COL23A1: variants seen among roughly 807,000 people sequenced by gnomAD.
COL23A1 encodes the protein collagen type XXIII alpha 1 chain.
A neutral mutation model predicts 99.3 loss-of-function variants in COL23A1; 97 were observed. The ratio of observed to expected loss-of-function variants is 0.98; its 90% CI spans 0.83 to 1.16. The LOEUF is 1.16. Among genes scored for constraint, COL23A1 ranks in the 50% most tolerant of loss-of-function variants. COL23A1 has a pLI of 0.00. For synonymous variants in COL23A1, 320 were observed against 308.2 expected (o/e 1.04, Z -0.40); for missense variants, 762 against 757.4 (o/e 1.01, Z -0.07).
intron 2 of COL23A1, among the ~76,000 whole-genome samples, chr5:178,324,798 A>G (rs992265181): frequency 6.6e-6 from 1 of 152,106 alleles, no homozygotes; most frequent in Non-Finnish European, 1.5e-5. Flanking sequence ...CCACCCGCTA[A>G]TCTCTCTGAC....
chr5:178,367,997 C>T (rs551728187), intron 2 of COL23A1, among the ~76,000 whole-genome samples: 5 of 152,218 alleles, frequency 3.3e-5, no homozygotes, highest in East Asian at 3.9e-4. Context: ...GTGTGCACTG[C>T]GGAAATGCAC....
chr5:178,264,979 G>A (rs139641378), intron 8 of COL23A1, among the ~76,000 whole-genome samples: 120 of 152,212 alleles, frequency 7.9e-4, no homozygotes, highest in African/African-American at 2.5e-3. Flanking sequence ...GTGATGAGCC[G>A]GCCAGTTCAC....
chr5:178,241,603 C>T (rs900936732), intron 27 of COL23A1, among the ~76,000 whole-genome samples: 8 of 152,216 alleles, frequency 5.3e-5, no homozygotes, highest in South Asian at 4.1e-4. Flanking sequence ...CCAGCGGCAG[C>T]GTGTCTGTGC....
At chr5:178,311,522 G>A (rs1218755793) in intron 2 of COL23A1, among the ~76,000 whole-genome samples, 1 of 98,202 alleles carries the variant, frequency 1.0e-5, no homozygotes, top group Non-Finnish European at 2.3e-5. Flanking sequence ...GTGTGTGTGT[G>A]TGTGTGTGTA....
At chr5:178,586,452 G>A (rs1157677316) in intron 1 of COL23A1, among the ~76,000 whole-genome samples, 1 of 152,122 alleles carries the variant, frequency 6.6e-6, no homozygotes, top group Non-Finnish European at 1.5e-5. Context: ...TCAGCTTACA[G>A]ATTCCCCAAC....
At chr5:178,494,326 C>A (rs1186232949) in intron 2 of COL23A1, among the ~76,000 whole-genome samples, 1 of 152,172 alleles carries the variant, frequency 6.6e-6, no homozygotes, top group Non-Finnish European at 1.5e-5. Context: ...GGAAGGTGAG[C>A]AGAGACTGGC....
At chr5:178,388,785 G>A (rs1284583215) in intron 2 of COL23A1, among the ~76,000 whole-genome samples, 1 of 152,188 alleles carries the variant, frequency 6.6e-6, no homozygotes, top group Non-Finnish European at 1.5e-5. Context: ...AACCTGCAGT[G>A]GCTCCCTATT....
chr5:178,440,672 G>A (rs924170440), intron 2 of COL23A1, among the ~76,000 whole-genome samples: 1 of 150,638 alleles, frequency 6.6e-6, no homozygotes, highest in Non-Finnish European at 1.5e-5. Context: ...CTGGAGTGCA[G>A]TGGTGAGATC....
rs367849126 is a variant in COL23A1, at chr5:178,288,113, C to T, written c.441+211G>A. 2.0e-4 allele frequency among the ~76,000 whole-genome samples: 30 copies of T among 152,268 alleles called. 1 individual carries two copies. The East Asian group carries it at 3.7e-3, about 19-fold the overall frequency. On this transcript the variant is annotated intron_variant, in intron 5 of 28. Transcript: ENST00000390654. ...ATTCAGTGCCACCCAGACACCTGCT[C>T]GAGGTGCTCTGCCTTGCCTCCAGGG...
chr5:178,258,236 AATATATATAT>A (rs70994992), intron 12 of COL23A1, among the ~76,000 whole-genome samples: 7 of 71,964 alleles, frequency 9.7e-5, no homozygotes, highest in Admixed American at 5.3e-4. Context: ...CCTGTCTTAA[AATATATATAT>A]ATATATATAT....
chr5:178,252,121 G>A (rs571449930), intron 17 of COL23A1, among the ~76,000 whole-genome samples: 1 of 152,060 alleles, frequency 6.6e-6, no homozygotes, highest in East Asian at 1.9e-4. Context: ...CACCATGTTG[G>A]CCAGGCTGGT....
rs73803009 is a variant in COL23A1, at chr5:178,387,323, A to G, written c.362-80404T>C. Among the ~76,000 whole-genome samples, 2,362 of 152,178 alleles carry G rather than the reference A, an allele frequency of 0.016. 65 individuals carry two copies. The highest frequency in any genetic ancestry group is 0.054 in the African/African-American group (2,248 of 41,492). The stretch of plus-strand genomic sequence containing the variant: ...CCTCGTCTCCTTCCACATGCCCTTC[A>G]AATGTCCAGCCCTGGTCAAACTGAC... On this transcript the variant is annotated intron_variant, in intron 2 of 28. Transcript: ENST00000390654. The surrounding 1 kb of genome is among the most constrained non-coding windows in gnomAD (Gnocchi z 4.7).
chr5:178,546,025 T>A lies in COL23A1; in HGVS notation c.361+14657A>T, dbSNP rs537764002. Among the ~76,000 whole-genome samples, 63 of 151,966 alleles carry A rather than the reference T, an allele frequency of 4.1e-4. 1 individual carries two copies. Among genetic ancestry groups the A allele is most frequent in the Middle Eastern group, 6.8e-3 (2 of 294 alleles). Reference sequence around the variant, plus strand: ...TGCATCCAAACCCTGACACCCCTCCTCCACGAGGCACCCTAGATTCCAAGG... The same window carrying A: ...TGCATCCAAACCCTGACACCCCTCCACCACGAGGCACCCTAGATTCCAAGG... On this transcript the variant is annotated intron_variant, in intron 2 of 28. Coordinates refer to ENST00000390654, the MANE Select transcript of COL23A1 (RefSeq NM_173465.4).
At chr5:178,390,911 C>A (rs1344538887) in intron 2 of COL23A1, among the ~76,000 whole-genome samples, 1 of 152,174 alleles carries the variant, frequency 6.6e-6, no homozygotes, top group Non-Finnish European at 1.5e-5. Context: ...CATAAGCAAC[C>A]AAAGGAGCAA....
intron 2 of COL23A1, among the ~76,000 whole-genome samples, chr5:178,377,364 T>C (rs1763128409): frequency 6.6e-6 from 1 of 151,664 alleles, no homozygotes; most frequent in African/African-American, 2.4e-5. Flanking sequence ...CCTGGTGTTT[T>C]AAGAAGTGAA....
At chr5:178,335,988 A>T (rs1402642618) in intron 2 of COL23A1, among the ~76,000 whole-genome samples, 1 of 152,120 alleles carries the variant, frequency 6.6e-6, no homozygotes, top group Non-Finnish European at 1.5e-5. Context: ...TCTGTTTCTG[A>T]GGTTCGTTTT....
At chr5:178,562,733 T>TGGGGGC in intron 1 of COL23A1, 1 of 97,698 alleles carries the variant, frequency 1.0e-5, no homozygotes, top group Non-Finnish European at 1.9e-5. Context: ...CGCTGGCTGG[T>TGGGGGC]GGTGGGGGGG....
intron 2 of COL23A1, among the ~76,000 whole-genome samples, chr5:178,329,273 T>C (rs1383917772): frequency 6.6e-6 from 1 of 152,212 alleles, no homozygotes; most frequent in Admixed American, 6.5e-5. Flanking sequence ...GAAATCCGCT[T>C]TGTCTGACTT....
chr5:178,529,213 A>G (rs1760498644), intron 2 of COL23A1, among the ~76,000 whole-genome samples: 1 of 152,216 alleles, frequency 6.6e-6, no homozygotes, highest in African/African-American at 2.4e-5. Flanking sequence ...GGGTGGCTGG[A>G]TTCCGTGAGG....
Sources: allele counts gnomAD v4.1 joint callset (sites outside exome capture counted in the v4.1 genomes callset), GRCh38; gene constraint gnomAD v4.1.1; non-coding constraint Gnocchi (gnomAD v3.1); transcripts MANE v1.5; gene names NCBI Gene and HGNC (gene_info 2026-07-23, HGNC 2026-07-21).